Variants in C12orf56 observed in about 807,000 individuals in gnomAD.
C12orf56 encodes the protein uncharacterized protein C12orf56.
A neutral mutation model predicts 69.9 loss-of-function variants in C12orf56; 71 were observed. That is an observed-to-expected ratio of 1.02 (90% confidence interval 0.84 to 1.24). The LOEUF is 1.24. Ranked by LOEUF, C12orf56 falls within the 50% of genes most tolerant of loss-of-function variation. The pLI is 0.00. For synonymous variants in C12orf56, 276 were observed against 274.1 expected (o/e 1.01, Z -0.07); for missense variants, 732 against 738.5 (o/e 0.99, Z 0.10).
intron 6 of C12orf56, among the ~76,000 whole-genome samples, chr12:64,302,312 T>C (rs1202301481): frequency 6.6e-6 from 1 of 152,284 alleles, no homozygotes; most frequent in East Asian, 1.9e-4. Context: ...TATTATTCTC[T>C]ACAGCTAATC....
intron 11 of C12orf56, among the ~76,000 whole-genome samples, 159 bp downstream of exon 11, chr12:64,274,742 G>A (rs537571752): frequency 5.3e-5 from 8 of 152,200 alleles, no homozygotes; most frequent in African/African-American, 1.7e-4. Flanking sequence ...ATGTAAAAAC[G>A]ATTTATCAAT....
At chr12:64,354,047 T>A (rs1344642169) in intron 1 of C12orf56, among the ~76,000 whole-genome samples, 1 of 152,232 alleles carries the variant, frequency 6.6e-6, no homozygotes, top group Non-Finnish European at 1.5e-5. Context: ...GATTTTACAC[T>A]AAGATTTTTC....
At chr12:64,318,518 C>G in intron 4 of C12orf56, 57 bp downstream of exon 4, 1 of 1,393,376 alleles carries the variant, frequency 7.2e-7, no homozygotes, top group Middle Eastern at 2.3e-4. Context: ...GGCTTGTTTG[C>G]TCTAAAAAAT....
At chr12:64,286,103 T>C (rs376855413) in intron 6 of C12orf56, 43 bp from the exon 7 acceptor site, 26 of 1,282,286 alleles carry the variant, frequency 2.0e-5, no homozygotes, top group Non-Finnish European at 2.7e-5. Flanking sequence ...TTAAGGTATC[T>C]GTTGTTAAAA....
chr12:64,268,727 A>AT (rs1411386790), intron 12 of C12orf56, among the ~76,000 whole-genome samples: 5 of 152,074 alleles, frequency 3.3e-5, no homozygotes, highest in Non-Finnish European at 4.4e-5. Context: ...TAATATATAT[A>AT]TTTTTTTAAG....
At chr12:64,307,689 T>A (rs1248636417) in intron 5 of C12orf56, among the ~76,000 whole-genome samples, 1 of 151,942 alleles carries the variant, frequency 6.6e-6, no homozygotes, top group Non-Finnish European at 1.5e-5. Context: ...CATTTTCAAA[T>A]TGTTCTACTG....
intron 7 of C12orf56, 131 bp from the exon 8 acceptor site, chr12:64,284,884 T>C (rs2038179405): frequency 1.5e-6 from 1 of 645,366 alleles, no homozygotes; most frequent in Non-Finnish European, 2.6e-6. Flanking sequence ...GAAATAAATT[T>C]TGTACATCAA....
chr12:64,387,077 CAAAAAAAAAAAA>C lies in C12orf56; in HGVS notation c.252+3225_252+3236del, dbSNP rs869290282. ...TGGGTAACAGAGCGAGACTCTATCTCAAAAAAAAAAAAAAAAAAAAAAAAAAAAAAAAAGATG... is the reference window on the plus strand; with the variant it reads ...TGGGTAACAGAGCGAGACTCTATCTCAAAAAAAAAAAAAAAAAAAAAGATG... On this transcript the variant is annotated intron_variant, in intron 1 of 12. Transcript: ENST00000543942. Among the ~76,000 whole-genome samples, 15 of 42,106 alleles carry C rather than the reference CAAAAAAAAAAAA, an allele frequency of 3.6e-4. No homozygotes were observed. In the South Asian group the frequency reaches 6.2e-3, roughly 17 times the overall value. 27.6% of individuals were successfully genotyped at this position (42,106 alleles called of 152,430 possible). A position where few individuals can be genotyped will look rare whatever the true frequency, so the allele number is the denominator to read the frequency against.
intron 3 of C12orf56, among the ~76,000 whole-genome samples, chr12:64,322,980 G>T (rs1238991752): frequency 6.6e-6 from 1 of 152,148 alleles, no homozygotes; most frequent in Non-Finnish European, 1.5e-5. Flanking sequence ...ATATTTTTCA[G>T]CAGTGTGTCA....
At chr12:64,279,338 G>T (rs917045874) in intron 8 of C12orf56, among the ~76,000 whole-genome samples, 2 of 152,126 alleles carry the variant, frequency 1.3e-5, no homozygotes, top group Non-Finnish European at 2.9e-5. Flanking sequence ...TGATGAGCTG[G>T]GTTAATAACG....
chr12:64,361,339 C>T (rs1279836325), intron 1 of C12orf56, among the ~76,000 whole-genome samples: 3 of 152,126 alleles, frequency 2.0e-5, no homozygotes, highest in East Asian at 1.9e-4. Flanking sequence ...ATAAGGGCTG[C>T]GTAAAATGAG....
intron 1 of C12orf56, among the ~76,000 whole-genome samples, chr12:64,378,298 C>A (rs2039667909): frequency 6.6e-6 from 1 of 152,190 alleles, no homozygotes; most frequent in Admixed American, 6.5e-5. Context: ...TGTATCAGTT[C>A]TAGGTAGAAG....
At chr12:64,297,104 G>C (rs2038376842) in intron 6 of C12orf56, among the ~76,000 whole-genome samples, 3 of 152,104 alleles carry the variant, frequency 2.0e-5, no homozygotes, top group African/African-American at 7.2e-5. Context: ...TTCTAAGGGA[G>C]CTTCACAGAA....
Position 64,274,945 on chromosome 12 carries a change from C to T in C12orf56, c.1540G>A (p.Ala514Thr), listed in dbSNP as rs2038031519. The change falls in exon 11 of 13, where the codon GCT (alanine) becomes ACT (threonine). Residue 514 changes from alanine to threonine, a missense_variant. Transcript: ENST00000543942. ...AGAAAGGACATTATCCAGCTAATAG[C>T]AAACTTTGTGGATCCCAATCCGAGA... ...GNLGLGSTKF[A>T]ISWIMSFLQS... 6.2e-7 allele frequency: 1 copy of T among 1,612,510 alleles called. No homozygotes were observed. Among genetic ancestry groups the T allele is most frequent in the Non-Finnish European group, 8.5e-7 (1 of 1,178,852 alleles).
intron 8 of C12orf56, among the ~76,000 whole-genome samples, chr12:64,279,603 T>G (rs1000019138): frequency 6.6e-6 from 1 of 152,182 alleles, no homozygotes; most frequent in East Asian, 1.9e-4. Context: ...CTTCTTAGAA[T>G]CATTTAAATC....
At chr12:64,364,593 G>A (rs1293550564) in intron 1 of C12orf56, among the ~76,000 whole-genome samples, 1 of 152,068 alleles carries the variant, frequency 6.6e-6, no homozygotes, top group Non-Finnish European at 1.5e-5. Context: ...ATGTTGCTGG[G>A]AGAAGTAAGC....
intron 3 of C12orf56, among the ~76,000 whole-genome samples, chr12:64,321,540 C>G (rs933809223): frequency 2.6e-5 from 4 of 152,118 alleles, no homozygotes; most frequent in African/African-American, 7.2e-5. Flanking sequence ...CACTATGTTG[C>G]CAGGGCTGGT....
intron 2 of C12orf56, among the ~76,000 whole-genome samples, chr12:64,332,096 G>A (rs1488217907): frequency 6.6e-6 from 1 of 152,066 alleles, no homozygotes; most frequent in Non-Finnish European, 1.5e-5. Flanking sequence ...CTGGAGGCCA[G>A]GAGTTCGAGA....
At chr12:64,366,353 T>TAA (rs2039486057) in intron 1 of C12orf56, among the ~76,000 whole-genome samples, 1 of 99,640 alleles carries the variant, frequency 1.0e-5, no homozygotes, top group Non-Finnish European at 1.8e-5. Context: ...ATATTATATA[T>TAA]TATATACAGT....
Sources: allele counts gnomAD v4.1 joint callset (sites outside exome capture counted in the v4.1 genomes callset), GRCh38; gene constraint gnomAD v4.1.1; transcripts MANE v1.5; gene names NCBI Gene and HGNC (gene_info 2026-07-23, HGNC 2026-07-21).